Variants in HMCN1 observed in about 807,000 individuals in gnomAD.
The protein encoded by HMCN1 is hemicentin-1.
In HMCN1, 321 loss-of-function variants were observed where a neutral mutation model predicts 625.9. The ratio of observed to expected loss-of-function variants is 0.51; its 90% confidence interval spans 0.47 to 0.56. HMCN1 has a LOEUF of 0.56. Among genes scored for constraint, HMCN1 ranks in the 20% least tolerant of loss-of-function variants. HMCN1 has a pLI of 0.00. For missense variants in HMCN1, 6,588 were observed against 6,887.3 expected, an observed-to-expected ratio of 0.96 and a Z score of 1.54; for synonymous variants, 2,425 against 2,417.6, an observed-to-expected ratio of 1.00 and a Z score of -0.09.
chr1:186,071,037 A>G (rs1658450721), intron 52 of HMCN1, among the ~76,000 whole-genome samples: 1 of 152,204 alleles, frequency 6.6e-6, no homozygotes, highest in Non-Finnish European at 1.5e-5. Flanking sequence ...GTAATTGTAT[A>G]TTAGCAGTTG....
intron 97 of HMCN1, among the ~76,000 whole-genome samples, chr1:186,157,679 G>A (rs1294006578): frequency 6.6e-6 from 1 of 152,166 alleles, no homozygotes; most frequent in Non-Finnish European, 1.5e-5. Flanking sequence ...CTATGAGTGA[G>A]AATATGCGGT....
chr1:186,015,276 A>C lies in HMCN1; in HGVS notation c.4748A>C (p.Lys1583Thr). 6.2e-7 allele frequency: 1 copy of C among 1,613,810 alleles called. No homozygotes were observed. The highest frequency in any genetic ancestry group is 8.5e-7 in the Non-Finnish European group (1 of 1,179,798). The change falls in exon 31 of 107, where the codon AAG becomes ACG. Residue 1583 changes from lysine to threonine, a missense_variant. Lys to Thr is a moderately conservative substitution (Grantham distance 78). This residue lies in a region of HMCN1 where 4,628 missense variants were observed against 4,853.1 expected (regional missense o/e 0.95). Transcript: ENST00000271588. ...GLPMPAITWYKDGQPIMSSSQ... is the reference protein window; with the variant it reads ...GLPMPAITWYTDGQPIMSSSQ... ...CCAATGCCTGCCATTACTTGGTATA[A>C]GGACGGGCAGCCAATCATGTCCAGC...
At chr1:185,850,810 A>T (rs555379052) in intron 2 of HMCN1, among the ~76,000 whole-genome samples, 2 of 151,778 alleles carry the variant, frequency 1.3e-5, no homozygotes, top group South Asian at 4.2e-4. Flanking sequence ...CTTTCATAGG[A>T]TCCAAAAGGA....
intron 1 of HMCN1, among the ~76,000 whole-genome samples, chr1:185,781,701 T>G (rs563645077): frequency 3.3e-5 from 5 of 152,246 alleles, no homozygotes; most frequent in Non-Finnish European, 5.9e-5. Flanking sequence ...GATTGCACTG[T>G]GGTCTGAGAG....
chr1:185,896,231 C>T (rs1305694340), intron 4 of HMCN1, among the ~76,000 whole-genome samples: 7 of 152,078 alleles, frequency 4.6e-5, no homozygotes, highest in East Asian at 3.9e-4. Context: ...CCACCGCGCC[C>T]GGCCAGTCTC....
intron 68 of HMCN1, among the ~76,000 whole-genome samples, chr1:186,099,465 A>G (rs1923460): frequency 0.62 from 94,738 of 151,894 alleles, 31,393 homozygotes; most frequent in African/African-American, 0.86. Context: ...TATACGTTAT[A>G]TGACAGGTAT....
chr1:185,819,237 C>CA (rs575598587), intron 1 of HMCN1, among the ~76,000 whole-genome samples: 4,419 of 125,074 alleles, frequency 0.035, 102 homozygotes, highest in Non-Finnish European at 0.053. Flanking sequence ...ATCTCCATCT[C>CA]AAAAAAAAAA....
At chr1:185,765,166 A>G (rs1052028723) in intron 1 of HMCN1, among the ~76,000 whole-genome samples, 2 of 152,162 alleles carry the variant, frequency 1.3e-5, no homozygotes, top group African/African-American at 2.4e-5. Flanking sequence ...TAAGTATATA[A>G]TGGTGATTAA....
At chr1:185,954,715 C>A (rs1228889095) in intron 11 of HMCN1, among the ~76,000 whole-genome samples, 1 of 152,128 alleles carries the variant, frequency 6.6e-6, no homozygotes, top group East Asian at 1.9e-4. Flanking sequence ...AATGAAAGAG[C>A]CCTAGACTGG....
chr1:186,090,618 A>G, intron 63 of HMCN1, 140 bp from the exon 64 acceptor site: 1 of 902,056 alleles, frequency 1.1e-6, no homozygotes, highest in Non-Finnish European at 1.7e-6. Context: ...AAAGTAATTC[A>G]TGAAGATAAC....
rs186237361 is a variant in HMCN1, at chr1:185,817,092, G to A, written c.269-28934G>A. ...TTGCTTAGAGTTTATTCTGTACAAG[G>A]TGCTGTAGTAGGTGTGATGGTAGAA... On this transcript the variant is annotated intron_variant, in intron 1 of 106. Coordinates refer to ENST00000271588, the MANE Select transcript of HMCN1 (RefSeq NM_031935.3). Among the ~76,000 whole-genome samples, 7 of 152,300 alleles carry A rather than the reference G, an allele frequency of 4.6e-5. No individual in the cohort carries two copies. In the East Asian group the frequency reaches 9.7e-4, roughly 21 times the overall value.
At chr1:186,067,276 T>C (rs1199661368) in intron 49 of HMCN1, among the ~76,000 whole-genome samples, 1 of 152,168 alleles carries the variant, frequency 6.6e-6, no homozygotes, top group African/African-American at 2.4e-5. Flanking sequence ...TTCCTCGTTA[T>C]ATTTTATAAA....
At position 186,031,404 on chromosome 1, in the gene HMCN1, G is replaced by A. The variant is rs1337457468; in HGVS notation, c.5750-6530G>A. 2.6e-5 allele frequency among the ~76,000 whole-genome samples: 4 copies of A among 151,562 alleles called. No homozygotes were observed. In the East Asian group the frequency reaches 7.8e-4, roughly 30 times the overall value. On this transcript the variant is annotated intron_variant, in intron 36 of 106. Coordinates refer to ENST00000271588, the MANE Select transcript of HMCN1 (RefSeq NM_031935.3). ...GCTGTTGTTTGTACTGAGGATCTTT[G>A]TACATAAGTCACTTCTCTCTTACTG...
At position 186,147,180 on chromosome 1, in the gene HMCN1, A is replaced by T. The variant is rs1428155924; in HGVS notation, c.14608+1257A>T. Among the ~76,000 whole-genome samples, 3 of 152,166 alleles carry T rather than the reference A, an allele frequency of 2.0e-5. 1 individual carries two copies. The East Asian group carries it at 5.8e-4, about 29-fold the overall frequency. On this transcript the variant is annotated intron_variant, in intron 93 of 106. Coordinates refer to ENST00000271588, the MANE Select transcript of HMCN1 (RefSeq NM_031935.3). ...GCAAGCCACTACCCACAAAAGAGTGACACATACTCTGTCCCCTACCCAGAA... is the reference window on the plus strand; with the variant it reads ...GCAAGCCACTACCCACAAAAGAGTGTCACATACTCTGTCCCCTACCCAGAA...
At chr1:185,902,413 A>G (rs1239954138) in intron 4 of HMCN1, among the ~76,000 whole-genome samples, 4 of 127,882 alleles carry the variant, frequency 3.1e-5, no homozygotes, top group African/African-American at 1.3e-4. Context: ...ATCTCTATCT[A>G]TCTATCTATC....
At chr1:186,079,349 C>A (rs145577724) in intron 55 of HMCN1, among the ~76,000 whole-genome samples, 1 of 152,264 alleles carries the variant, frequency 6.6e-6, no homozygotes, top group East Asian at 1.9e-4. Flanking sequence ...CCTGGCTCTC[C>A]CTTACAGTGG....
intron 97 of HMCN1, among the ~76,000 whole-genome samples, chr1:186,156,047 A>C (rs578084522): frequency 6.6e-6 from 1 of 152,338 alleles, no homozygotes; most frequent in African/African-American, 2.4e-5. Context: ...GCTTTTGGAA[A>C]GTACTGGTCG....
intron 11 of HMCN1, among the ~76,000 whole-genome samples, chr1:185,960,618 A>G (rs1649946255): frequency 6.6e-6 from 1 of 152,130 alleles, no homozygotes; most frequent in African/African-American, 2.4e-5. Flanking sequence ...TTACTTTGAT[A>G]TCTGAAATAC....
chr1:185,787,462 A>G lies in HMCN1; in HGVS notation c.268+52415A>G, dbSNP rs77499672. ...CAGATACGCCAGTTGACTGAAGCTCATGGCATGCTAAGAGTGCAAAATCCA... is the reference window on the plus strand; with the variant it reads ...CAGATACGCCAGTTGACTGAAGCTCGTGGCATGCTAAGAGTGCAAAATCCA... On this transcript the variant is annotated intron_variant, in intron 1 of 106. Transcript: ENST00000271588. Among the ~76,000 whole-genome samples the G allele has an allele frequency of 6.1e-3, 922 of 152,314 alleles. 6 individuals are homozygous for G. Among genetic ancestry groups the G allele is most frequent in the Non-Finnish European group, 0.01 (685 of 68,020 alleles).
Sources: gnomAD v4.1 joint callset for allele counts (sites outside exome capture counted in the v4.1 genomes callset) on GRCh38, gnomAD v4.1.1 for gene constraint, gnomAD v4.1.1 regional missense constraint, MANE v1.5 for transcripts, NCBI Gene and HGNC (gene_info 2026-07-23, HGNC 2026-07-21) for gene names.